Variants in SCAPER observed in about 807,000 individuals in gnomAD.
SCAPER encodes the protein S phase cyclin A-associated protein in the endoplasmic reticulum.
In SCAPER, 98 loss-of-function variants were observed where a neutral mutation model predicts 182.2. The ratio of observed to expected loss-of-function variants is 0.54; its 90% CI spans 0.46 to 0.64. The LOEUF (loss-of-function observed/expected upper bound fraction) is 0.64. Ranked by LOEUF, SCAPER falls within the 30% of genes least tolerant of loss-of-function variation. The probability of loss-of-function intolerance (pLI) is 0.00; values close to 1 mark genes in which losing one functional copy is unlikely to be tolerated. For synonymous variants in SCAPER, 605 were observed against 564.6 expected, an observed-to-expected ratio of 1.07 and a Z score of -1.01; for missense variants, 1,432 against 1,690.0, an observed-to-expected ratio of 0.85 and a Z score of 2.68.
chr15:76,541,413 T>C (rs1291053245), intron 23 of SCAPER, among the ~76,000 whole-genome samples: 2 of 152,172 alleles, frequency 1.3e-5, no homozygotes, highest in Non-Finnish European at 2.9e-5. Context: ...TGTATGGATT[T>C]GCTTCTTCTA....
At position 76,503,235 on chromosome 15, in the gene SCAPER, C is replaced by T. The variant is rs189494648; in HGVS notation, c.2954+1624G>A. On this transcript the variant is annotated intron_variant, in intron 24 of 31. Coordinates refer to ENST00000563290, the MANE Select transcript of SCAPER (RefSeq NM_020843.4). The stretch of plus-strand genomic sequence containing the variant: ...TCCTTTCTTCCTTTCTACCTTCCTC[C>T]CTGCCAATTAACATACAGTAAGTGA... Among the ~76,000 whole-genome samples the T allele has an allele frequency of 3.9e-5, 6 of 152,176 alleles. No homozygotes were observed. The East Asian group carries it at 5.8e-4, about 15-fold the overall frequency.
chr15:76,861,790 A>G (rs2071896352), intron 3 of SCAPER: 1 of 152,202 alleles, frequency 6.6e-6, no homozygotes, highest in East Asian at 1.9e-4. Flanking sequence ...TACTGCTTAT[A>G]AAGAACTGTC....
At chr15:76,375,071 A>G (rs1466640560) in intron 29 of SCAPER, among the ~76,000 whole-genome samples, 1 of 151,620 alleles carries the variant, frequency 6.6e-6, no homozygotes. Flanking sequence ...TGCAAAAATT[A>G]GCTGGGTGTG....
chr15:76,434,666 A>T (rs1000922548), intron 25 of SCAPER, among the ~76,000 whole-genome samples: 2 of 152,254 alleles, frequency 1.3e-5, no homozygotes, highest in Non-Finnish European at 2.9e-5. Flanking sequence ...TTAAAAATTT[A>T]AATGAACTCA....
At chr15:76,578,729 C>A (rs2048041496) in intron 22 of SCAPER, among the ~76,000 whole-genome samples, 1 of 152,180 alleles carries the variant, frequency 6.6e-6, no homozygotes, top group Non-Finnish European at 1.5e-5. Flanking sequence ...CTTTGGATAC[C>A]TGGAAAACAT....
At chr15:76,882,608 T>A (rs2073619720) in intron 2 of SCAPER, among the ~76,000 whole-genome samples, 1 of 151,184 alleles carries the variant, frequency 6.6e-6, no homozygotes, top group South Asian at 2.1e-4. Flanking sequence ...TGAGGAAGAG[T>A]ATGAAGTGGG....
intron 2 of SCAPER, among the ~76,000 whole-genome samples, chr15:76,877,521 T>C (rs913138222): frequency 2.6e-5 from 4 of 152,150 alleles, no homozygotes; most frequent in African/African-American, 9.7e-5. Flanking sequence ...GTAGAAAAGC[T>C]TGACACTACA....
intron 2 of SCAPER, among the ~76,000 whole-genome samples, chr15:76,874,146 G>C (rs554988507): frequency 6.6e-6 from 1 of 151,952 alleles, no homozygotes; most frequent in Non-Finnish European, 1.5e-5. Context: ...CATCTGCCTC[G>C]TCCTCCCAAA....
chr15:76,554,209 A>G (rs1294244688), intron 23 of SCAPER, among the ~76,000 whole-genome samples: 1 of 152,222 alleles, frequency 6.6e-6, no homozygotes. Context: ...TAACAGCACA[A>G]TCAGCCAAGC....
intron 20 of SCAPER, among the ~76,000 whole-genome samples, chr15:76,690,788 C>A (rs2058310579): frequency 6.6e-6 from 1 of 151,996 alleles, no homozygotes; most frequent in Non-Finnish European, 1.5e-5. Context: ...CTGGAAAGAG[C>A]CCTTATTTAC....
At chr15:76,781,387 T>C (rs181893307) in intron 8 of SCAPER, among the ~76,000 whole-genome samples, 3 of 152,228 alleles carry the variant, frequency 2.0e-5, no homozygotes, top group Admixed American at 6.5e-5. Context: ...TATGGGACTA[T>C]GTGAAAAGAC....
chr15:76,519,707 C>T (rs2042696251), intron 23 of SCAPER, among the ~76,000 whole-genome samples: 1 of 152,198 alleles, frequency 6.6e-6, no homozygotes, highest in Non-Finnish European at 1.5e-5. Flanking sequence ...ATTCATATAA[C>T]AGGGCTAATA....
chr15:76,777,106 C>CA (rs559933991), intron 8 of SCAPER, among the ~76,000 whole-genome samples: 1 of 151,886 alleles, frequency 6.6e-6, no homozygotes, highest in East Asian at 1.9e-4. Context: ...TAAATACACA[C>CA]AAAAAAATAT....
chr15:76,562,148 C>CAA (rs66722088), intron 23 of SCAPER, among the ~76,000 whole-genome samples: 10,863 of 73,372 alleles, frequency 0.15, 933 homozygotes, highest in African/African-American at 0.22. Flanking sequence ...AACTTCATCT[C>CAA]AAAAAAAAAA....
intron 23 of SCAPER, among the ~76,000 whole-genome samples, chr15:76,509,719 A>T (rs967804700): frequency 6.6e-6 from 1 of 152,160 alleles, no homozygotes; most frequent in Non-Finnish European, 1.5e-5. Context: ...ACTAGAAAAA[A>T]CAATCCTAAA....
intron 1 of SCAPER, among the ~76,000 whole-genome samples, chr15:76,895,004 A>G (rs2074356887): frequency 6.6e-6 from 1 of 152,202 alleles, no homozygotes; most frequent in African/African-American, 2.4e-5. Context: ...CCAAAAACTG[A>G]AGAAAATATT....
rs111589777 is a variant in SCAPER, at chr15:76,463,141, G to C, written c.3078+8071C>G. Among the ~76,000 whole-genome samples the C allele has an allele frequency of 4.7e-4, 71 of 152,236 alleles. 1 individual carries two copies. The highest frequency in any genetic ancestry group is 1.6e-3 in the African/African-American group (66 of 41,540). On this transcript the variant is annotated intron_variant, in intron 25 of 31. Transcript: ENST00000563290. Reference sequence around the variant, plus strand: ...CACTTCTGCTGAAGGAAAAGGCAACGTGTCCTAGATATGCTGAGCAAGTAC... The same window carrying C: ...CACTTCTGCTGAAGGAAAAGGCAACCTGTCCTAGATATGCTGAGCAAGTAC...
intron 27 of SCAPER, among the ~76,000 whole-genome samples, chr15:76,387,198 T>C (rs2043348105): frequency 6.6e-6 from 1 of 152,078 alleles, no homozygotes; most frequent in African/African-American, 2.4e-5. Flanking sequence ...TGGAAGACTG[T>C]GGTTGCCATT....
At chr15:76,859,509 GA>G (rs1360473211) in intron 3 of SCAPER, among the ~76,000 whole-genome samples, 1 of 152,090 alleles carries the variant, frequency 6.6e-6, no homozygotes, top group Non-Finnish European at 1.5e-5. Context: ...TTTTTAAGTG[GA>G]ATTATCCTCA....
Sources: gnomAD v4.1 joint callset for allele counts (sites outside exome capture counted in the v4.1 genomes callset) on GRCh38, gnomAD v4.1.1 for gene constraint, MANE v1.5 for transcripts, NCBI Gene and HGNC (gene_info 2026-07-23, HGNC 2026-07-21) for gene names.